Variants in EPHA6 observed in about 807,000 individuals in gnomAD.
EPHA6 encodes the protein ephrin type-A receptor 6.
EPHA6 carries 50 observed loss-of-function variants against 112.0 expected under a neutral mutation model. The observed-to-expected ratio is 0.45, with a 90% CI of 0.36 to 0.56. The LOEUF is 0.56. EPHA6 is among the 20% of genes least tolerant of loss of function. The pLI is 0.00. For missense variants in EPHA6, 1,280 were observed against 1,417.4 expected (o/e 0.90, Z 1.56); for synonymous variants, 529 against 490.7 (o/e 1.08, Z -1.03).
chr3:97,466,214 G>A (rs1258200938), intron 7 of EPHA6: 10 of 800,222 alleles, frequency 1.2e-5, no homozygotes, highest in Non-Finnish European at 1.7e-5. Flanking sequence ...CAGTTACCGG[G>A]CAAACAGACT....
rs531750775 is a variant in EPHA6 at position 97,498,791 on chromosome 3, C to T, written c.2200+14732C>T. 1.4e-4 allele frequency among the ~76,000 whole-genome samples: 21 copies of T among 152,242 alleles called. No homozygotes were observed. In the South Asian group the frequency reaches 4.1e-3, roughly 30 times the overall value. On this transcript the variant is annotated intron_variant, in intron 10 of 17. Coordinates refer to ENST00000389672, the MANE Select transcript of EPHA6 (RefSeq NM_001080448.3). Reference sequence around the variant, plus strand: ...ATGTGAGGGACCTAGGTTGCGTGCTCCTTATGAGAATCTAATGCCTGATGA... The same window carrying T: ...ATGTGAGGGACCTAGGTTGCGTGCTTCTTATGAGAATCTAATGCCTGATGA...
chr3:97,015,818 G>T (rs1332516864), intron 3 of EPHA6, among the ~76,000 whole-genome samples: 4 of 152,118 alleles, frequency 2.6e-5, no homozygotes, highest in African/African-American at 9.7e-5. Context: ...TGGGCTCACA[G>T]AAACAGATAA....
chr3:96,923,440 T>G (rs1198312519), intron 2 of EPHA6, among the ~76,000 whole-genome samples: 1 of 152,238 alleles, frequency 6.6e-6, no homozygotes, highest in East Asian at 1.9e-4. Flanking sequence ...GCATGTCTTC[T>G]TTTGAGAAGT....
chr3:97,396,649 A>G (rs1475634236), intron 5 of EPHA6, among the ~76,000 whole-genome samples: 1 of 151,644 alleles, frequency 6.6e-6, no homozygotes, highest in Non-Finnish European at 1.5e-5. Context: ...ACTTTGATTT[A>G]ATATTAAAAT....
chr3:97,388,833 C>T (rs1577202053), intron 5 of EPHA6, among the ~76,000 whole-genome samples: 1 of 152,082 alleles, frequency 6.6e-6, no homozygotes, highest in Non-Finnish European at 1.5e-5. Flanking sequence ...GTAGGACAAC[C>T]AAGAATGCAG....
In EPHA6 at chr3:96,866,290, A is replaced by G. The variant is rs1001042111; in HGVS notation, c.386-535A>G. On this transcript the variant is annotated intron_variant, in intron 1 of 17. Coordinates refer to ENST00000389672, the MANE Select transcript of EPHA6 (RefSeq NM_001080448.3). ...AGATGGTTTTTACGTTTGGTTTCGCATCTTATAGCCATAAGTAAACTACCT... is the reference window on the plus strand; with the variant it reads ...AGATGGTTTTTACGTTTGGTTTCGCGTCTTATAGCCATAAGTAAACTACCT... 9.8e-4 allele frequency among the ~76,000 whole-genome samples: 149 copies of G among 152,176 alleles called. 1 individual carries two copies. The highest frequency in any genetic ancestry group is 2.0e-4 in the Admixed American group (3 of 15,250).
At chr3:96,914,250 ATATC>A (rs1309926245) in intron 2 of EPHA6, among the ~76,000 whole-genome samples, 1 of 152,178 alleles carries the variant, frequency 6.6e-6, no homozygotes, top group Non-Finnish European at 1.5e-5. Flanking sequence ...TGAATTGTAG[ATATC>A]TATCTTTTTG....
intron 5 of EPHA6, among the ~76,000 whole-genome samples, chr3:97,246,405 C>G (rs905438924): frequency 6.6e-6 from 1 of 151,572 alleles, no homozygotes; most frequent in African/African-American, 2.4e-5. Flanking sequence ...CTCTGCTTAT[C>G]AAAAGGATAA....
At chr3:97,092,629 A>G (rs981048662) in intron 3 of EPHA6, among the ~76,000 whole-genome samples, 3 of 152,032 alleles carry the variant, frequency 2.0e-5, no homozygotes, top group African/African-American at 2.4e-5. Context: ...TTCTTAGGGT[A>G]TAAAAAAACT....
intron 3 of EPHA6, among the ~76,000 whole-genome samples, chr3:97,020,919 T>G (rs1181918525): frequency 6.6e-6 from 1 of 151,890 alleles, no homozygotes; most frequent in Non-Finnish European, 1.5e-5. Context: ...TGATTTTTTT[T>G]TTAAAAAGTC....
chr3:97,701,934 C>T (rs1044572457), intron 14 of EPHA6, among the ~76,000 whole-genome samples: 1 of 152,150 alleles, frequency 6.6e-6, no homozygotes, highest in African/African-American at 2.4e-5. Context: ...CAGGTATCTA[C>T]ATTTCCATTT....
At chr3:97,187,308 T>A (rs2108467443) in intron 3 of EPHA6, among the ~76,000 whole-genome samples, 1 of 152,170 alleles carries the variant, frequency 6.6e-6, no homozygotes, top group African/African-American at 2.4e-5. Context: ...CCGGGCACGG[T>A]GGCTCACGCC....
chr3:97,182,961 T>C (rs564815266), intron 3 of EPHA6, among the ~76,000 whole-genome samples: 2 of 152,252 alleles, frequency 1.3e-5, no homozygotes, highest in Non-Finnish European at 2.9e-5. Flanking sequence ...AATTTCTTCT[T>C]TGTTTTTTAT....
At chr3:97,585,445 T>G (rs1460322693) in intron 11 of EPHA6, among the ~76,000 whole-genome samples, 3 of 152,144 alleles carry the variant, frequency 2.0e-5, no homozygotes, top group African/African-American at 7.2e-5. Flanking sequence ...GTTTTAAAAA[T>G]AACTCAGGGA....
intron 13 of EPHA6, among the ~76,000 whole-genome samples, chr3:97,623,002 A>G (rs1213729269): frequency 6.6e-6 from 1 of 151,644 alleles, no homozygotes; most frequent in African/African-American, 2.4e-5. Flanking sequence ...GATGGATACT[A>G]TTCCCTTAGG....
chr3:97,470,034 G>A (rs994679684), intron 7 of EPHA6, among the ~76,000 whole-genome samples: 1 of 151,546 alleles, frequency 6.6e-6, no homozygotes, highest in African/African-American at 2.4e-5. Flanking sequence ...CATCTACAAA[G>A]TCACAAGTTT....
intron 5 of EPHA6, among the ~76,000 whole-genome samples, chr3:97,402,916 T>C (rs2087086281): frequency 6.6e-6 from 1 of 152,282 alleles, no homozygotes; most frequent in African/African-American, 2.4e-5. Context: ...AAACTTTTAA[T>C]ACTTAAGTCT....
intron 16 of EPHA6, among the ~76,000 whole-genome samples, chr3:97,743,346 CAG>C (rs1171813633): frequency 6.6e-6 from 1 of 152,044 alleles, no homozygotes; most frequent in African/African-American, 2.4e-5. Context: ...TACACAAAAA[CAG>C]AGAGATGTGT....
At chr3:97,614,542 CG>C (rs2093749420) in intron 13 of EPHA6, among the ~76,000 whole-genome samples, 1 of 135,284 alleles carries the variant, frequency 7.4e-6, no homozygotes, top group African/African-American at 2.7e-5. Flanking sequence ...TTAGAAGAGA[CG>C]GGGTTTCACC....
Sources: allele counts gnomAD v4.1 joint callset (sites outside exome capture counted in the v4.1 genomes callset), GRCh38; gene constraint gnomAD v4.1.1; transcripts MANE v1.5; gene names NCBI Gene and HGNC (gene_info 2026-07-23, HGNC 2026-07-21).